The following TIMP2 variants were observed in gnomAD, a reference collection of about 807,000 sequenced individuals.
TIMP2 encodes TIMP metallopeptidase inhibitor 2.
TIMP2 carries 5 observed loss-of-function variants against 24.3 expected under a neutral mutation model. The ratio of observed to expected loss-of-function variants is 0.21; its 90% CI spans 0.11 to 0.43. The LOEUF (loss-of-function observed/expected upper bound fraction) is 0.43, where lower values mean the gene tolerates loss of function less well. TIMP2 is among the 20% of genes least tolerant of loss of function. The probability of loss-of-function intolerance (pLI) is 1.00; values close to 1 mark genes in which losing one functional copy is unlikely to be tolerated. For missense variants in TIMP2, 221 were observed against 297.5 expected (o/e 0.74, Z 1.89); for synonymous variants, 130 against 123.2 (o/e 1.06, Z -0.37).
chr17:78,915,526 C>CTT (rs11296863), intron 1 of TIMP2, among the ~76,000 whole-genome samples: 2 of 147,100 alleles, frequency 1.4e-5, no homozygotes, highest in South Asian at 2.2e-4. Flanking sequence ...TTTTTTTCTT[C>CTT]TTTTTTTTTT....
intron 1 of TIMP2, among the ~76,000 whole-genome samples, chr17:78,875,040 C>T (rs1240167924): frequency 6.6e-6 from 1 of 152,100 alleles, no homozygotes; most frequent in Non-Finnish European, 1.5e-5. Flanking sequence ...AGTGCCCAAC[C>T]TTAATTTTTG....
At chr17:78,875,466 C>T (rs2069720587) in intron 1 of TIMP2, among the ~76,000 whole-genome samples, 1 of 152,166 alleles carries the variant, frequency 6.6e-6, no homozygotes, top group Non-Finnish European at 1.5e-5. Flanking sequence ...GATTCTGTTC[C>T]ACTCCTGGTA....
chr17:78,857,853 T>C (rs967203262), intron 3 of TIMP2, among the ~76,000 whole-genome samples: 4 of 150,150 alleles, frequency 2.7e-5, no homozygotes, highest in African/African-American at 9.8e-5. Flanking sequence ...GTGGATCTCT[T>C]GAGGCCAGGA....
chr17:78,862,585 CCATGTG>C (rs1467739450), intron 3 of TIMP2, among the ~76,000 whole-genome samples: 1 of 152,226 alleles, frequency 6.6e-6, no homozygotes, highest in African/African-American at 2.4e-5. Flanking sequence ...AACAGGAAGT[CCATGTG>C]CAGATTTGTT....
chr17:78,890,490 G>A (rs1026737864), intron 1 of TIMP2: 17 of 919,622 alleles, frequency 1.8e-5, no homozygotes, highest in East Asian at 1.6e-4. Context: ...ACAGGCGTGC[G>A]CCACTGCACC....
At chr17:78,870,375 C>T (rs912352252) in intron 3 of TIMP2, among the ~76,000 whole-genome samples, 1 of 149,660 alleles carries the variant, frequency 6.7e-6, no homozygotes, top group Non-Finnish European at 1.5e-5. Context: ...AAGATCGCAC[C>T]ACTGCACTCC....
chr17:78,904,055 G>C (rs1451541807), intron 1 of TIMP2: 1 of 107,480 alleles, frequency 9.3e-6, no homozygotes, highest in Non-Finnish European at 2.1e-5. Context: ...TGAGTAGCTG[G>C]GACTACAGGT....
At chr17:78,865,178 G>C (rs1353793927) in intron 3 of TIMP2, among the ~76,000 whole-genome samples, 4 of 152,186 alleles carry the variant, frequency 2.6e-5, no homozygotes, top group African/African-American at 7.2e-5. Context: ...TGTCTAGAAT[G>C]GGCAAATTCA....
At chr17:78,880,323 T>C (rs1260579112) in intron 1 of TIMP2, among the ~76,000 whole-genome samples, 1 of 152,042 alleles carries the variant, frequency 6.6e-6, no homozygotes, top group Non-Finnish European at 1.5e-5. Flanking sequence ...AGAAGTACTA[T>C]GGAAGTTCCT....
At chr17:78,910,073 TGATCA>T (rs1393189374) in intron 1 of TIMP2, among the ~76,000 whole-genome samples, 13 of 152,228 alleles carry the variant, frequency 8.5e-5, no homozygotes, top group Non-Finnish European at 1.8e-4. Context: ...CAATGTATAG[TGATCA>T]GATCAGGGTA....
chr17:78,855,704 G>A lies in TIMP2; in HGVS notation c.626C>T (p.Pro209Leu), dbSNP rs997866208. The A allele has an allele frequency of 4.3e-6, 7 of 1,613,908 alleles. No individual in the cohort carries two copies. The highest frequency in any genetic ancestry group is 1.6e-4 in the Middle Eastern group (1 of 6,084). The change falls in exon 5 of 5, where the codon CCC becomes CTC. Residue 209 changes from proline (P) to leucine (L), a missense_variant. Transcript: ENST00000262768. This position sits in a 1 kb window ranked among gnomAD's most constrained non-coding sequence, Gnocchi z 6.0. ...GATGTCGAGAAACTCCTGCTTGGGG[G>A]GCGCCGCGCCGCGGTACCACGCACA... is the stretch of plus-strand genomic sequence containing the variant. ...GSCAWYRGAA[P>L]PKQEFLDIED...
At position 78,925,163 on chromosome 17, in the gene TIMP2, G is replaced by A; in HGVS notation, c.-75C>T. 1.7e-6 allele frequency: 1 copy of A among 579,358 alleles called. No homozygotes were observed. Among genetic ancestry groups the A allele is most frequent in the Non-Finnish European group, 2.2e-6 (1 of 461,404 alleles). 35.9% of individuals were successfully genotyped at this position (579,358 alleles called of 1,614,324 possible). On this transcript the variant is annotated 5_prime_UTR_variant, in exon 1 of 5. Coordinates refer to ENST00000262768, the MANE Select transcript of TIMP2 (RefSeq NM_003255.5). ...CGCTGCTCGCGGCGGCGGGCTGGGG[G>A]CGCGGGCGGGGGCTGAGCCGGGGCC...
chr17:78,885,855 G>C (rs2069821102), intron 1 of TIMP2, among the ~76,000 whole-genome samples: 1 of 152,206 alleles, frequency 6.6e-6, no homozygotes, highest in African/African-American at 2.4e-5. Flanking sequence ...GGCATGGGAC[G>C]GGGTGAGCCA....
chr17:78,905,095 G>A (rs1033538313), intron 1 of TIMP2: 9 of 151,612 alleles, frequency 5.9e-5, no homozygotes, highest in African/African-American at 1.2e-4. Context: ...AGCCGAAATC[G>A]CACCACTGAA....
At chr17:78,900,642 C>T (rs1040928568) in intron 1 of TIMP2, among the ~76,000 whole-genome samples, 1 of 152,122 alleles carries the variant, frequency 6.6e-6, no homozygotes, top group Non-Finnish European at 1.5e-5. Context: ...CACACCTGAC[C>T]TTATCAATTC....
chr17:78,920,799 G>C lies in TIMP2; in HGVS notation c.130+4160C>G, dbSNP rs1291374359. On this transcript the variant is annotated intron_variant, in intron 1 of 4. Transcript: ENST00000262768. The surrounding 1 kb of genome is among the most constrained non-coding windows in gnomAD (Gnocchi z 4.5). Reference sequence around the variant, plus strand: ...CACACCTGGGCAGTTGAGGAGGGGAGGCCTGCTCACCACGCCGGGCAGCAG... The same window carrying C: ...CACACCTGGGCAGTTGAGGAGGGGACGCCTGCTCACCACGCCGGGCAGCAG... Among the ~76,000 whole-genome samples the C allele has an allele frequency of 1.3e-5, 2 of 152,160 alleles. No homozygotes were observed. The highest frequency in any genetic ancestry group is 2.9e-5 in the Non-Finnish European group (2 of 68,038).
chr17:78,879,630 A>G (rs1427194612), intron 1 of TIMP2, among the ~76,000 whole-genome samples: 1 of 152,004 alleles, frequency 6.6e-6, no homozygotes, highest in African/African-American at 2.4e-5. Flanking sequence ...CTCTCGTTCT[A>G]ACTGCCCTGA....
chr17:78,905,036 AG>A (rs1353099279), intron 1 of TIMP2: 4 of 152,174 alleles, frequency 2.6e-5, no homozygotes, highest in Non-Finnish European at 4.4e-5. Flanking sequence ...GCTACTCAGG[AG>A]GCTAAGGCAG....
intron 1 of TIMP2, chr17:78,900,875 G>A (rs1316357845): frequency 6.6e-6 from 1 of 152,272 alleles, no homozygotes; most frequent in Admixed American, 6.5e-5. Flanking sequence ...AAAGACGCTG[G>A]GCCACCAGAA....
Sources: allele counts gnomAD v4.1 joint callset (sites outside exome capture counted in the v4.1 genomes callset), GRCh38; gene constraint gnomAD v4.1.1; non-coding constraint Gnocchi (gnomAD v3.1); transcripts MANE v1.5; gene names NCBI Gene and HGNC (gene_info 2026-07-23, HGNC 2026-07-21).